The following MS4A18 variants were observed in gnomAD, a reference collection of about 807,000 sequenced individuals.
MS4A18 encodes the protein membrane spanning 4-domains A18.
MS4A18 carries 27 observed loss-of-function variants against 13.1 expected under a neutral mutation model. That is an observed-to-expected ratio of 2.06 (90% CI 1.52 to 2.84). MS4A18 has a LOEUF of 2.84. MS4A18 is among the 30% of genes most tolerant of loss of function. The pLI, the probability that MS4A18 is intolerant of heterozygous loss-of-function variation, is 0.00. For missense variants in MS4A18, 307 were observed against 196.4 expected (o/e 1.56, Z -3.37); for synonymous variants, 126 against 76.5 (o/e 1.65, Z -3.38).
At chr11:60,729,915 G>A (rs1388368950) in intron 1 of MS4A18, 129 bp downstream of exon 2, 3 of 603,986 alleles carry the variant, frequency 5.0e-6, no homozygotes, top group East Asian at 2.7e-5. Context: ...GGCAGTTTCT[G>A]GAGGCTGGAC....
At chr11:60,744,395 G>A (rs938142912), downstream of MS4A18, among the ~76,000 whole-genome samples, 12 of 152,188 alleles carry the variant, frequency 7.9e-5, no homozygotes, top group African/African-American at 2.7e-4. Flanking sequence ...ACAGAGGAGG[G>A]GGAGCAATGT....
At chr11:60,733,505 T>C (rs977411434) in intron 1 of MS4A18, 29 bp from the exon 3 acceptor site, 10 of 703,008 alleles carry the variant, frequency 1.4e-5, no homozygotes, top group Non-Finnish European at 2.6e-5. Context: ...GCAGTTCTGC[T>C]CTCTCACAGT....
At chr11:60,738,298 C>G (rs141329268) in intron 3 of MS4A18, among the ~76,000 whole-genome samples, 138 of 152,336 alleles carry the variant, frequency 9.1e-4, no homozygotes, top group African/African-American at 3.1e-3. Context: ...ATGAGAATTT[C>G]CGGTTCTGAA....
chr11:60,733,309 G>A (rs1339746900), intron 1 of MS4A18, among the ~76,000 whole-genome samples: 1 of 152,214 alleles, frequency 6.6e-6, no homozygotes, highest in Non-Finnish European at 1.5e-5. Context: ...CTTTATGCCT[G>A]TGATTCTCAG....
chr11:60,735,475 A>T (rs1352758592), intron 2 of MS4A18, among the ~76,000 whole-genome samples: 2 of 146,858 alleles, frequency 1.4e-5, no homozygotes, highest in African/African-American at 5.0e-5. Context: ...CTGGGACTAC[A>T]GGCGCCTGCC....
At chr11:60,735,426 C>T (rs1387260189) in intron 2 of MS4A18, among the ~76,000 whole-genome samples, 3 of 150,478 alleles carry the variant, frequency 2.0e-5, no homozygotes, top group South Asian at 2.1e-4. Flanking sequence ...CTCCGCCTCC[C>T]GGGTTCACGC....
intron 5 of MS4A18, among the ~76,000 whole-genome samples, 177 bp from the exon 7 acceptor site, chr11:60,743,473 C>T (rs1185453279): frequency 6.6e-6 from 1 of 152,244 alleles, no homozygotes; most frequent in East Asian, 1.9e-4. Flanking sequence ...TGGGCAGACA[C>T]TGTACAGATC....
chr11:60,725,188 CT>C (rs1211038985), upstream of MS4A18, among the ~76,000 whole-genome samples: 1 of 152,040 alleles, frequency 6.6e-6, no homozygotes. Flanking sequence ...TGGAACCACT[CT>C]TTTTTTTCTT....
chr11:60,741,209 A>T (rs990720398), intron 5 of MS4A18, 66 bp downstream of exon 6: 1 of 701,714 alleles, frequency 1.4e-6, no homozygotes, highest in Non-Finnish European at 2.6e-6. Context: ...CTATAGCAAG[A>T]GGTAACCAGA....
At position 60,731,048 on chromosome 11, in the gene MS4A18, A is replaced by G. The variant is rs113187265; in HGVS notation, c.477+1256A>G. On this transcript the variant is annotated intron_variant, in intron 1 of 5. Transcript: ENST00000529108. Reference sequence around the variant, plus strand: ...GGCAGAGCTTGCAGTGAGCCGAGACAGCGCCACTGCACTCCAGCCTGGGCT... The same window carrying G: ...GGCAGAGCTTGCAGTGAGCCGAGACGGCGCCACTGCACTCCAGCCTGGGCT... Among the ~76,000 whole-genome samples the G allele has an allele frequency of 2.4e-3, 366 of 152,188 alleles. 1 individual carries two copies. The highest frequency in any genetic ancestry group is 4.4e-3 in the Non-Finnish European group (299 of 67,996).
At chr11:60,738,681 A>G (rs1252706880) in intron 3 of MS4A18, among the ~76,000 whole-genome samples, 1 of 152,122 alleles carries the variant, frequency 6.6e-6, no homozygotes, top group Non-Finnish European at 1.5e-5. Context: ...CCCATGAGAC[A>G]AACCTGGACT....
At chr11:60,743,453 C>G (rs1440047006) in intron 5 of MS4A18, among the ~76,000 whole-genome samples, 197 bp from the exon 7 acceptor site, 2 of 152,220 alleles carry the variant, frequency 1.3e-5, no homozygotes, top group African/African-American at 4.8e-5. Context: ...TAAGAGAAAG[C>G]AAGCTCCAAT....
At chr11:60,743,868 C>A (rs1277827697) in exon 6 of MS4A18, 1 of 703,000 alleles carries the variant, frequency 1.4e-6, no homozygotes, top group East Asian at 2.7e-5. Flanking sequence ...TCAATGCTAA[C>A]ATTGGCCCTG....
chr11:60,737,001 A>G (rs2134678889), exon 3 of MS4A18: 1 of 698,054 alleles, frequency 1.4e-6, no homozygotes, highest in Admixed American at 2.0e-5. Flanking sequence ...GATCCCTCTC[A>G]GTATGGGCTG....
At chr11:60,728,406 G>GTA (rs767254379), upstream of MS4A18, among the ~76,000 whole-genome samples, 15 of 99,954 alleles carry the variant, frequency 1.5e-4, no homozygotes, top group East Asian at 1.2e-3. Flanking sequence ...GTGTATGTAT[G>GTA]TGTGTGTGTG....
chr11:60,733,968 G>A (rs537136250), intron 2 of MS4A18, among the ~76,000 whole-genome samples: 65 of 152,228 alleles, frequency 4.3e-4, no homozygotes, highest in Admixed American at 3.2e-3. Context: ...ATAAGGCCAG[G>A]CAGGGTGGCT....
upstream of MS4A18, among the ~76,000 whole-genome samples, chr11:60,725,354 C>G (rs750506061): frequency 2.6e-5 from 4 of 152,134 alleles, no homozygotes; most frequent in African/African-American, 9.7e-5. Context: ...CCACCACGCC[C>G]GGCTAATTTT....
At chr11:60,744,053 T>G in exon 6 of MS4A18, 2 of 659,470 alleles carry the variant, frequency 3.0e-6, no homozygotes, top group Non-Finnish European at 5.5e-6. Flanking sequence ...GGGGATACAC[T>G]GTAGCTGTAT....
At chr11:60,725,905 T>C (rs141025659), upstream of MS4A18, among the ~76,000 whole-genome samples, 826 of 152,246 alleles carry the variant, frequency 5.4e-3, 7 homozygotes, top group Non-Finnish European at 4.9e-3. Flanking sequence ...GATGCTGTAG[T>C]TGTTATTCTA....
Sources: allele counts gnomAD v4.1 joint callset (sites outside exome capture counted in the v4.1 genomes callset), GRCh38; gene constraint gnomAD v4.1.1; transcripts MANE v1.5; gene names NCBI Gene and HGNC (gene_info 2026-07-23, HGNC 2026-07-21).